The following NEGR1 variants were observed in gnomAD, a reference collection of about 807,000 sequenced individuals.
NEGR1 encodes the protein neuronal growth regulator 1.
Under a neutral mutation model 40.9 loss-of-function variants are expected in NEGR1, and 10 were observed. That is an observed-to-expected ratio of 0.24 (90% confidence interval 0.15 to 0.42). The LOEUF (loss-of-function observed/expected upper bound fraction) is 0.42, where lower values mean the gene tolerates loss of function less well. NEGR1 is among the 10% of genes least tolerant of loss of function. The probability of loss-of-function intolerance (pLI) is 1.00; values close to 1 mark genes in which losing one functional copy is unlikely to be tolerated. For missense variants in NEGR1, 352 were observed against 438.9 expected (o/e 0.80, Z 1.77); for synonymous variants, 185 against 166.8 (o/e 1.11, Z -0.84).
intron 1 of NEGR1, among the ~76,000 whole-genome samples, chr1:72,034,407 C>A (rs1017925841): frequency 1.3e-5 from 2 of 152,130 alleles, no homozygotes; most frequent in African/African-American, 4.8e-5. Context: ...GTATTTACTT[C>A]TTTGCTTGCT....
In NEGR1 at chr1:71,673,842, A is replaced by T. The variant is rs12074731; in HGVS notation, c.667+24166T>A. Among the ~76,000 whole-genome samples the T allele has an allele frequency of 6.8e-3, 1,038 of 152,172 alleles. 12 individuals carry two copies. The highest frequency in any genetic ancestry group is 0.023 in the African/African-American group (974 of 41,542). On this transcript the variant is annotated intron_variant, in intron 4 of 6. Coordinates refer to ENST00000357731, the MANE Select transcript of NEGR1 (RefSeq NM_173808.3). ...AATAAATATTTGTCAAGCTTCTACT[A>T]TGCTCTAAACACAGTTCTATGGAGC...
intron 1 of NEGR1, among the ~76,000 whole-genome samples, chr1:71,985,431 G>C (rs763012698): frequency 6.6e-6 from 1 of 152,042 alleles, no homozygotes; most frequent in Non-Finnish European, 1.5e-5. Context: ...AATCTTCATA[G>C]GGTTGTGATA....
chr1:71,612,290 T>C (rs1214370153), intron 4 of NEGR1, among the ~76,000 whole-genome samples: 1 of 152,238 alleles, frequency 6.6e-6, no homozygotes, highest in East Asian at 1.9e-4. Flanking sequence ...GTATGCCAGA[T>C]TTCCTTTTCA....
At chr1:71,917,538 C>T (rs1661618655) in intron 2 of NEGR1, among the ~76,000 whole-genome samples, 1 of 152,002 alleles carries the variant, frequency 6.6e-6, no homozygotes, top group Non-Finnish European at 1.5e-5. Context: ...TGCTTGTAAT[C>T]CCAGCACTTT....
chr1:71,416,195 G>C (rs1353077748), intron 6 of NEGR1, among the ~76,000 whole-genome samples: 1 of 152,160 alleles, frequency 6.6e-6, no homozygotes, highest in Non-Finnish European at 1.5e-5. Context: ...ATTTTTGCAA[G>C]TTGAATGCGT....
chr1:71,817,499 A>G (rs1658267920), intron 2 of NEGR1, among the ~76,000 whole-genome samples: 1 of 152,054 alleles, frequency 6.6e-6, no homozygotes, highest in Non-Finnish European at 1.5e-5. Context: ...TCTTACATGC[A>G]AACCCAGCAT....
chr1:71,451,866 C>A (rs1646631714), intron 6 of NEGR1, among the ~76,000 whole-genome samples: 2 of 152,134 alleles, frequency 1.3e-5, no homozygotes, highest in African/African-American at 4.8e-5. Flanking sequence ...AACAATGAAT[C>A]CCAAGTGGAA....
At chr1:71,874,508 C>G (rs1225693681) in intron 2 of NEGR1, among the ~76,000 whole-genome samples, 1 of 152,150 alleles carries the variant, frequency 6.6e-6, no homozygotes, top group Non-Finnish European at 1.5e-5. Context: ...GCCATTCATT[C>G]TCATACCTAC....
intron 1 of NEGR1, among the ~76,000 whole-genome samples, chr1:72,031,577 A>G (rs1186870306): frequency 3.3e-5 from 5 of 152,176 alleles, no homozygotes; most frequent in African/African-American, 1.2e-4. Flanking sequence ...AAAATAGGAG[A>G]TACTTAAATC....
intron 4 of NEGR1, among the ~76,000 whole-genome samples, chr1:71,638,254 C>T (rs944931350): frequency 1.3e-5 from 2 of 152,024 alleles, no homozygotes; most frequent in Non-Finnish European, 2.9e-5. Context: ...GACATCCTGC[C>T]CTCCAGTGTG....
chr1:71,583,171 T>G (rs1570064083), intron 6 of NEGR1, among the ~76,000 whole-genome samples: 1 of 152,050 alleles, frequency 6.6e-6, no homozygotes, highest in Admixed American at 6.6e-5. Flanking sequence ...AGCCTATCAC[T>G]AATGTGAGTC....
At chr1:71,545,647 G>C (rs1413224995) in intron 6 of NEGR1, among the ~76,000 whole-genome samples, 1 of 151,156 alleles carries the variant, frequency 6.6e-6, no homozygotes, top group East Asian at 2.0e-4. Flanking sequence ...ATGATTCATT[G>C]TGTGCCAAAT....
intron 6 of NEGR1, chr1:71,476,830 C>CT (rs1646824610): frequency 6.6e-6 from 1 of 152,110 alleles, no homozygotes; most frequent in African/African-American, 2.4e-5. Context: ...TGCCCATCTT[C>CT]TTTTGGCTGA....
At chr1:72,050,733 T>C (rs1273303412) in intron 1 of NEGR1, among the ~76,000 whole-genome samples, 2 of 151,450 alleles carry the variant, frequency 1.3e-5, no homozygotes, top group Non-Finnish European at 3.0e-5. Flanking sequence ...GTGTTTATAA[T>C]AGGATATTAA....
intron 2 of NEGR1, among the ~76,000 whole-genome samples, chr1:71,829,505 C>T (rs1352374735): frequency 6.6e-6 from 1 of 151,852 alleles, no homozygotes; most frequent in Non-Finnish European, 1.5e-5. Flanking sequence ...TACCTCAGGC[C>T]TAGACTCTAA....
At chr1:72,021,182 G>C (rs1404966067) in intron 1 of NEGR1, among the ~76,000 whole-genome samples, 2 of 152,034 alleles carry the variant, frequency 1.3e-5, no homozygotes, top group East Asian at 3.8e-4. Flanking sequence ...TAAATACCAT[G>C]TGGGACTAAA....
At chr1:71,462,490 T>C (rs1187604569) in intron 6 of NEGR1, among the ~76,000 whole-genome samples, 1 of 152,094 alleles carries the variant, frequency 6.6e-6, no homozygotes, top group East Asian at 1.9e-4. Context: ...CCCAGCAGGA[T>C]GACCCCCTAC....
intron 1 of NEGR1, among the ~76,000 whole-genome samples, chr1:72,103,631 CCCTGGACTCAGA>C (rs1318733016): frequency 1.3e-5 from 2 of 152,030 alleles, no homozygotes; most frequent in Non-Finnish European, 2.9e-5. Flanking sequence ...GCTACGTTTT[CCCTGGACTCAGA>C]CCTGTTTCAG....
At chr1:71,416,278 G>A (rs750165882) in intron 6 of NEGR1, among the ~76,000 whole-genome samples, 3 of 152,096 alleles carry the variant, frequency 2.0e-5, no homozygotes, top group Admixed American at 6.6e-5. Context: ...TCTAAACTTG[G>A]AGTTTCATGA....
Sources: gnomAD v4.1 joint callset for allele counts (sites outside exome capture counted in the v4.1 genomes callset) on GRCh38, gnomAD v4.1.1 for gene constraint, MANE v1.5 for transcripts, NCBI Gene and HGNC (gene_info 2026-07-23, HGNC 2026-07-21) for gene names.